Variants in ANXA6 observed in about 807,000 individuals in gnomAD.
The protein encoded by ANXA6 is annexin A6.
A neutral mutation model predicts 95.4 loss-of-function variants in ANXA6; 71 were observed. That is an observed-to-expected ratio of 0.74 (90% CI 0.61 to 0.91). The LOEUF is 0.91. Ranked by LOEUF, ANXA6 falls within the 40% of genes least tolerant of loss-of-function variation. The pLI is 0.00. For synonymous variants in ANXA6, 289 were observed against 315.9 expected (o/e 0.91, Z 0.90); for missense variants, 830 against 876.4 (o/e 0.95, Z 0.67).
At position 151,122,956 on chromosome 5, in the gene ANXA6, C is replaced by T. The variant is rs377716362; in HGVS notation, c.1194G>A (p.Arg398=). The change falls in exon 16 of 26, where the codon CGG becomes CGA. Residue 398 remains arginine (R), a synonymous_variant. Coordinates refer to ENST00000354546, the MANE Select transcript of ANXA6 (RefSeq NM_001155.5). ...ACTTGAAGGTCTGCCGGATCTGCTG[C>T]CGCTGGACATTGCTGCGGTGCGTGA... The part of the protein sequence containing the change: ...DIITHRSNVQ[R]QQIRQTFKSH... 12 of 1,613,840 alleles carry T rather than the reference C, an allele frequency of 7.4e-6. No homozygotes were observed. Among genetic ancestry groups the T allele is most frequent in the Non-Finnish European group, 1.0e-5 (12 of 1,179,894 alleles).
chr5:151,132,198 GATC>G (rs1765532364), intron 10 of ANXA6, among the ~76,000 whole-genome samples: 1 of 152,104 alleles, frequency 6.6e-6, no homozygotes, highest in African/African-American at 2.4e-5. Context: ...CAACTATTAT[GATC>G]ATCATTATCC....
In ANXA6 at chr5:151,122,132, G is replaced by C. The variant is rs370381554; in HGVS notation, c.1347+15C>G. The C allele has an allele frequency of 1.1e-5, 17 of 1,538,210 alleles. No individual in the cohort carries two copies. In the Middle Eastern group the frequency reaches 5.1e-4, roughly 46 times the overall value. On this transcript the variant is annotated intron_variant, in intron 17 of 25. Transcript: ENST00000354546. ...GGCACCCGCAGACACTAGACCCCCT[G>C]GTGCCACACTGTACCTCCATGGCCT...
At chr5:151,107,832 T>C (rs547241958) in intron 23 of ANXA6, among the ~76,000 whole-genome samples, 129 of 152,262 alleles carry the variant, frequency 8.5e-4, no homozygotes, top group Non-Finnish European at 1.3e-3. Context: ...AGCCAGGTAC[T>C]GAGAGGAGAC....
chr5:151,125,467 A>T (rs1020161215), intron 14 of ANXA6, among the ~76,000 whole-genome samples: 2 of 152,218 alleles, frequency 1.3e-5, no homozygotes, highest in Non-Finnish European at 1.5e-5. Context: ...AAAACAAAAG[A>T]GGTGATATAC....
intron 24 of ANXA6, among the ~76,000 whole-genome samples, chr5:151,104,754 A>T (rs947810169): frequency 2.6e-5 from 4 of 152,192 alleles, no homozygotes; most frequent in Non-Finnish European, 4.4e-5. Context: ...CTAGACTCAG[A>T]GGGGAGCGCT....
At chr5:151,125,565 A>G (rs543171234) in intron 14 of ANXA6, among the ~76,000 whole-genome samples, 3 of 152,346 alleles carry the variant, frequency 2.0e-5, no homozygotes, top group Admixed American at 6.5e-5. Flanking sequence ...AAAAAGGAAA[A>G]TCAGCAAGTG....
chr5:151,150,276 C>T (rs1206814874), intron 1 of ANXA6, among the ~76,000 whole-genome samples: 1 of 152,174 alleles, frequency 6.6e-6, no homozygotes, highest in African/African-American at 2.4e-5. Flanking sequence ...TAGGGAAAAT[C>T]TTAGCCATGT....
chr5:151,151,036 C>T (rs1167708619), intron 1 of ANXA6: 4 of 152,210 alleles, frequency 2.6e-5, no homozygotes, highest in African/African-American at 7.2e-5. Flanking sequence ...CAAGGAGGGG[C>T]CTCTTACTGT....
At chr5:151,105,011 C>A (rs1223682291) in intron 24 of ANXA6, among the ~76,000 whole-genome samples, 1 of 152,180 alleles carries the variant, frequency 6.6e-6, no homozygotes, top group Non-Finnish European at 1.5e-5. Context: ...TTGTGATGAC[C>A]AAAAATGTGT....
At chr5:151,122,874 G>A in intron 16 of ANXA6, 43 bp downstream of exon 16, 1 of 1,560,446 alleles carries the variant, frequency 6.4e-7, no homozygotes, top group Non-Finnish European at 8.8e-7. Context: ...AATCAGGCAA[G>A]GTGCATGCAT....
intron 20 of ANXA6, 81 bp from the exon 21 acceptor site, chr5:151,110,725 T>G: frequency 2.8e-5 from 41 of 1,468,946 alleles, no homozygotes; most frequent in Non-Finnish European, 3.7e-5. Context: ...GCTGGGGCCC[T>G]GGGGTGCAGG....
chr5:151,133,268 T>C, intron 8 of ANXA6, 81 bp from the exon 9 acceptor site: 2 of 922,614 alleles, frequency 2.2e-6, no homozygotes, highest in Non-Finnish European at 3.5e-6. Flanking sequence ...TCAGAACTGC[T>C]GCCTGATCCC....
chr5:151,110,904 G>C (rs1048960309), intron 20 of ANXA6, among the ~76,000 whole-genome samples: 1 of 152,176 alleles, frequency 6.6e-6, no homozygotes, highest in African/African-American at 2.4e-5. Context: ...TCACTTGAAG[G>C]GTAAGAGAAA....
intron 3 of ANXA6, 57 bp from the exon 4 acceptor site, chr5:151,139,504 A>C (rs751097534): frequency 1.2e-5 from 15 of 1,280,476 alleles, no homozygotes; most frequent in Non-Finnish European, 1.7e-5. Context: ...GAAGCCCACC[A>C]GGGCCACTTC....
intron 16 of ANXA6, 70 bp downstream of exon 16, chr5:151,122,847 G>T: frequency 2.1e-6 from 3 of 1,401,422 alleles, no homozygotes; most frequent in South Asian, 1.2e-5. Context: ...CAGAACCGAT[G>T]GGGACAGGCT....
chr5:151,148,727 G>A (rs1226804519), intron 1 of ANXA6, among the ~76,000 whole-genome samples: 1 of 152,204 alleles, frequency 6.6e-6, no homozygotes. Context: ...AGTCCCAGGT[G>A]GAGGGGTCAG....
intron 12 of ANXA6, 73 bp downstream of exon 12, chr5:151,129,334 G>T: frequency 6.3e-7 from 1 of 1,577,164 alleles, no homozygotes; most frequent in Non-Finnish European, 8.7e-7. Context: ...CTTTTCCTGG[G>T]AATAGTCCCC....
intron 1 of ANXA6, among the ~76,000 whole-genome samples, chr5:151,154,323 A>G (rs548220856): frequency 1.1e-5 from 1 of 93,780 alleles, no homozygotes; most frequent in South Asian, 4.2e-4. Flanking sequence ...ATATATATAT[A>G]TATATATATT....
At chr5:151,117,281 T>G (rs943248333) in intron 19 of ANXA6, 101 bp from the exon 20 acceptor site, 13 of 1,218,042 alleles carry the variant, frequency 1.1e-5, no homozygotes, top group African/African-American at 6.2e-5. Context: ...CTGAATGCTC[T>G]TCCTCATCAG....
Sources: allele counts gnomAD v4.1 joint callset (sites outside exome capture counted in the v4.1 genomes callset), GRCh38; gene constraint gnomAD v4.1.1; transcripts MANE v1.5; gene names NCBI Gene and HGNC (gene_info 2026-07-23, HGNC 2026-07-21).